The following RFX4 variants were observed in gnomAD, a reference collection of about 807,000 sequenced individuals.
RFX4 encodes regulatory factor X4.
RFX4 carries 10 observed loss-of-function variants against 95.0 expected under a neutral mutation model. That is an observed-to-expected ratio of 0.11 (90% CI 0.06 to 0.18). The LOEUF (loss-of-function observed/expected upper bound fraction) is 0.18, where lower values mean the gene tolerates loss of function less well. Ranked by LOEUF, RFX4 falls within the 10% of genes least tolerant of loss-of-function variation. The pLI is 1.00. For missense variants in RFX4, 640 were observed against 922.0 expected, an observed-to-expected ratio of 0.69 and a Z score of 3.96; for synonymous variants, 321 against 340.7, an observed-to-expected ratio of 0.94 and a Z score of 0.64.
intron 5 of RFX4, among the ~76,000 whole-genome samples, chr12:106,686,464 A>G (rs2041652419): frequency 6.6e-6 from 1 of 152,036 alleles, no homozygotes. Flanking sequence ...ACACAGGCCA[A>G]ATGAATTTTT....
chr12:106,735,996 C>G (rs1413683628), intron 15 of RFX4, among the ~76,000 whole-genome samples: 1 of 152,130 alleles, frequency 6.6e-6, no homozygotes, highest in African/African-American at 2.4e-5. Context: ...ATAATTAATT[C>G]ATTACCTTTC....
chr12:106,722,125 GA>G (rs1349821545), intron 13 of RFX4, among the ~76,000 whole-genome samples: 1 of 152,236 alleles, frequency 6.6e-6, no homozygotes, highest in Non-Finnish European at 1.5e-5. Context: ...GCATTTTGAT[GA>G]CTTCCAGTTC....
chr12:106,686,260 T>C (rs10778501), intron 5 of RFX4, among the ~76,000 whole-genome samples: 55,641 of 151,650 alleles, frequency 0.37, 10,254 homozygotes, highest in South Asian at 0.4. Context: ...AAAATACAAA[T>C]GTTAGCTGGG....
intron 2 of RFX4, among the ~76,000 whole-genome samples, chr12:106,613,766 C>A (rs1012259851): frequency 2.0e-5 from 3 of 152,132 alleles, no homozygotes; most frequent in Non-Finnish European, 4.4e-5. Context: ...AGAATAAATT[C>A]GAATATGTTC....
rs114055063 is a variant in RFX4, at chr12:106,619,743, T to A, written c.130+10860T>A. 6.2e-3 allele frequency among the ~76,000 whole-genome samples: 946 copies of A among 152,288 alleles called. 6 individuals are homozygous for A. The highest frequency in any genetic ancestry group is 0.021 in the African/African-American group (876 of 41,564). ...ATTAGACTTTTCGATTATACTTCAT[T>A]TTTTTATGTTTTGCTCTGGTTTGTC... On this transcript the variant is annotated intron_variant, in intron 2 of 17. Coordinates refer to ENST00000392842, the MANE Select transcript of RFX4 (RefSeq NM_213594.3).
chr12:106,751,854 A>C (rs1469216174), intron 17 of RFX4, among the ~76,000 whole-genome samples: 2 of 151,276 alleles, frequency 1.3e-5, no homozygotes, highest in African/African-American at 4.9e-5. Flanking sequence ...GTCAGATGAG[A>C]AGGTTGCGAA....
chr12:106,669,320 A>G (rs146932635), intron 4 of RFX4, among the ~76,000 whole-genome samples: 61 of 152,322 alleles, frequency 4.0e-4, no homozygotes, highest in African/African-American at 1.4e-3. Flanking sequence ...AGCTGAGGTG[A>G]CAGATGTGCT....
intron 17 of RFX4, among the ~76,000 whole-genome samples, chr12:106,758,317 A>T (rs1674940838): frequency 6.6e-6 from 1 of 152,210 alleles, no homozygotes; most frequent in Admixed American, 6.5e-5. Context: ...TACAGGGAAA[A>T]CGAGTCACTG....
At chr12:106,644,848 T>G (rs1278205594) in intron 3 of RFX4, among the ~76,000 whole-genome samples, 1 of 152,150 alleles carries the variant, frequency 6.6e-6, no homozygotes, top group Non-Finnish European at 1.5e-5. Flanking sequence ...GTGCCCTCTC[T>G]CCAGCGGCAG....
At chr12:106,639,231 C>CAAAAAAA in intron 2 of RFX4, 101 bp from the exon 3 acceptor site, 1 of 975,102 alleles carries the variant, frequency 1.0e-6, no homozygotes. Context: ...ATCAACATTT[C>CAAAAAAA]AAAGAAACAT....
chr12:106,589,990 G>A (rs1418998485), intron 1 of RFX4, among the ~76,000 whole-genome samples: 1 of 152,186 alleles, frequency 6.6e-6, no homozygotes, highest in Non-Finnish European at 1.5e-5. Flanking sequence ...GCTACATACT[G>A]GGCTTAACAA....
intron 1 of RFX4, among the ~76,000 whole-genome samples, chr12:106,595,002 TA>T (rs1415894504): frequency 6.6e-6 from 1 of 152,118 alleles, no homozygotes; most frequent in African/African-American, 2.4e-5. Context: ...TCAAAATTAT[TA>T]GTTTCTTTTT....
At chr12:106,624,698 A>G (rs920449982) in intron 2 of RFX4, among the ~76,000 whole-genome samples, 1 of 152,142 alleles carries the variant, frequency 6.6e-6, no homozygotes, top group South Asian at 2.1e-4. Context: ...GGAATAGACC[A>G]TATGTGGCCC....
intron 8 of RFX4, among the ~76,000 whole-genome samples, chr12:106,700,198 A>AT (rs1352388722): frequency 3.3e-5 from 5 of 151,424 alleles, no homozygotes; most frequent in Admixed American, 1.3e-4. Flanking sequence ...AGCCTGGCTA[A>AT]TTTTTTTACT....
chr12:106,712,386 G>C (rs535418308), intron 10 of RFX4, among the ~76,000 whole-genome samples: 1 of 152,110 alleles, frequency 6.6e-6, no homozygotes, highest in Non-Finnish European at 1.5e-5. Context: ...AGCAGCCACC[G>C]TCCTCATTCC....
intron 2 of RFX4, among the ~76,000 whole-genome samples, chr12:106,626,287 A>G (rs2040297639): frequency 6.6e-6 from 1 of 152,232 alleles, no homozygotes; most frequent in Admixed American, 6.5e-5. Context: ...CAAGATTGAA[A>G]GGTGACTCTG....
chr12:106,610,427 C>T (rs1231113917), intron 2 of RFX4, among the ~76,000 whole-genome samples: 1 of 152,170 alleles, frequency 6.6e-6, no homozygotes, highest in Non-Finnish European at 1.5e-5. Context: ...CTTCATCTTC[C>T]TAAACTGAAA....
chr12:106,759,132 C>G (rs1448349775), intron 17 of RFX4, among the ~76,000 whole-genome samples: 2 of 152,170 alleles, frequency 1.3e-5, no homozygotes, highest in African/African-American at 4.8e-5. Flanking sequence ...GAGGCACAGG[C>G]TGGGGTGTTT....
At chr12:106,717,000 C>CA (rs71311249) in intron 11 of RFX4, among the ~76,000 whole-genome samples, 13,431 of 60,546 alleles carry the variant, frequency 0.22, 1,162 homozygotes, top group East Asian at 0.31. Context: ...GCACAGGAGA[C>CA]AAAAAAAAAA....
Sources: gnomAD v4.1 joint callset for allele counts (sites outside exome capture counted in the v4.1 genomes callset) on GRCh38, gnomAD v4.1.1 for gene constraint, MANE v1.5 for transcripts, NCBI Gene and HGNC (gene_info 2026-07-23, HGNC 2026-07-21) for gene names.